Variants in TNNI3K observed in about 807,000 individuals in gnomAD.
The protein encoded by TNNI3K is TNNI3 interacting kinase, also known as serine/threonine-protein kinase TNNI3K.
In TNNI3K, 140 loss-of-function variants were observed where a neutral mutation model predicts 114.5. That is an observed-to-expected ratio of 1.22 (90% CI 1.07 to 1.41). The LOEUF (loss-of-function observed/expected upper bound fraction) is 1.41. Ranked by LOEUF, TNNI3K falls within the 40% of genes most tolerant of loss-of-function variation. The pLI is 0.00. For missense variants in TNNI3K, 1,125 were observed against 1,007.6 expected (o/e 1.12, Z -1.58); for synonymous variants, 347 against 347.5 (o/e 1.00, Z 0.02).
chr1:74,522,486 G>A (rs952998077), intron 23 of TNNI3K, among the ~76,000 whole-genome samples: 25 of 152,072 alleles, frequency 1.6e-4, no homozygotes, highest in African/African-American at 5.3e-4. Context: ...CTTGTAGTAC[G>A]AGTTGCATGA....
chr1:74,439,392 C>T lies in TNNI3K; in HGVS notation c.1879-98C>T, dbSNP rs1470901563. 5.9e-6 allele frequency: 9 copies of T among 1,514,702 alleles called. No individual in the cohort carries two copies. In the Admixed American group the frequency reaches 1.1e-4, roughly 18 times the overall value. The allele number at this position is 1,514,702 out of a possible 1,614,324, so 93.8% of individuals were successfully genotyped here. A position where few individuals can be genotyped will look rare whatever the true frequency, so the allele number is the denominator to read the frequency against. On this transcript the variant is annotated intron_variant, in intron 19 of 24. Transcript: ENST00000326637. ...TTATATTTATGCCTTTTGAGAGCATCGGGAGAACACAGTAAATTCTCACTA... is the reference window on the plus strand; with the variant it reads ...TTATATTTATGCCTTTTGAGAGCATTGGGAGAACACAGTAAATTCTCACTA...
At chr1:74,283,603 A>T (rs921009325) in intron 5 of TNNI3K, among the ~76,000 whole-genome samples, 1 of 152,178 alleles carries the variant, frequency 6.6e-6, no homozygotes, top group Non-Finnish European at 1.5e-5. Context: ...CTGGAAAATG[A>T]TGGAAGAAAC....
intron 4 of TNNI3K, among the ~76,000 whole-genome samples, chr1:74,262,175 CA>C (rs1219832660): frequency 2.6e-5 from 4 of 151,958 alleles, no homozygotes; most frequent in African/African-American, 9.7e-5. Flanking sequence ...CGATTTAGAC[CA>C]AGGTTCAACA....
intron 23 of TNNI3K, among the ~76,000 whole-genome samples, chr1:74,522,884 C>A (rs553952512): frequency 1.3e-5 from 2 of 152,144 alleles, no homozygotes; most frequent in Non-Finnish European, 2.9e-5. Flanking sequence ...TCCAGCACTG[C>A]GTGATCCAAA....
intron 17 of TNNI3K, among the ~76,000 whole-genome samples, chr1:74,407,604 C>T (rs1664678996): frequency 6.6e-6 from 1 of 152,120 alleles, no homozygotes; most frequent in African/African-American, 2.4e-5. Context: ...ATTTACACTT[C>T]TTCTCCATTT....
intron 21 of TNNI3K, among the ~76,000 whole-genome samples, chr1:74,465,444 T>C (rs113625694): frequency 0.014 from 2,094 of 152,316 alleles, 40 homozygotes; most frequent in African/African-American, 0.048. Flanking sequence ...GCAACACTGC[T>C]GGCCCGCCCG....
intron 20 of TNNI3K, among the ~76,000 whole-genome samples, chr1:74,454,022 A>G (rs1428848987): frequency 1.3e-5 from 2 of 152,142 alleles, no homozygotes; most frequent in Non-Finnish European, 2.9e-5. Context: ...GACCTTGTGC[A>G]ATTTATTTAA....
At chr1:74,483,475 G>C (rs1426737322) in intron 21 of TNNI3K, 1 of 587,462 alleles carries the variant, frequency 1.7e-6, no homozygotes, top group Non-Finnish European at 3.1e-6. Flanking sequence ...AATTTCTACT[G>C]TTCAATGAGC....
rs965574702 is a variant in TNNI3K, at chr1:74,250,777, A to T, written c.333+8A>T. 1.3e-6 allele frequency: 2 copies of T among 1,598,902 alleles called. No individual in the cohort carries two copies. Among genetic ancestry groups the T allele is most frequent in the Admixed American group, 3.5e-5 (2 of 57,276 alleles). On this transcript the variant is annotated splice_region_variant and intron_variant, in intron 4 of 24. Transcript: ENST00000326637. ...CATTTAGCAGTTTACAAGGTAGGACACTTTAATTCCCATAAACACTGCATT... is the reference window on the plus strand; with the variant it reads ...CATTTAGCAGTTTACAAGGTAGGACTCTTTAATTCCCATAAACACTGCATT...
At chr1:74,262,751 A>T (rs1655754793) in intron 4 of TNNI3K, among the ~76,000 whole-genome samples, 1 of 152,092 alleles carries the variant, frequency 6.6e-6, no homozygotes, top group Non-Finnish European at 1.5e-5. Context: ...CTCTTTCTAA[A>T]TGAACACATT....
rs148012641 is a variant in TNNI3K at position 74,319,944 on chromosome 1, G to A, written c.445-11506G>A. 3.1e-3 allele frequency among the ~76,000 whole-genome samples: 466 copies of A among 152,326 alleles called. 2 individuals are homozygous for A. The highest frequency in any genetic ancestry group is 4.1e-3 in the Admixed American group (62 of 15,292). On this transcript the variant is annotated intron_variant, in intron 5 of 24. Transcript: ENST00000326637. ...ATAGCATAGCAGTTTAGTCATATGA[G>A]CTCTGGAGCAAGCCTGCATAGTGTG... is the stretch of plus-strand genomic sequence containing the variant.
intron 17 of TNNI3K, 41 bp from the exon 18 acceptor site, chr1:74,436,039 G>C (rs1324659609): frequency 8.2e-6 from 13 of 1,580,218 alleles, no homozygotes; most frequent in Non-Finnish European, 1.0e-5. Flanking sequence ...ACATAGCAAA[G>C]CTTACTCAAT....
intron 23 of TNNI3K, among the ~76,000 whole-genome samples, chr1:74,518,757 T>A (rs114661453): frequency 1.7e-4 from 26 of 152,226 alleles, no homozygotes; most frequent in African/African-American, 6.3e-4. Context: ...TTTCCATAAG[T>A]AAAGGGTGTG....
intron 4 of TNNI3K, among the ~76,000 whole-genome samples, chr1:74,262,645 A>C (rs1356718837): frequency 6.6e-6 from 1 of 152,118 alleles, no homozygotes; most frequent in Admixed American, 6.6e-5. Flanking sequence ...TTTTCACTTA[A>C]GAAACTAGAG....
At chr1:74,537,260 G>C (rs941261005) in intron 23 of TNNI3K, among the ~76,000 whole-genome samples, 9 of 152,176 alleles carry the variant, frequency 5.9e-5, no homozygotes, top group Non-Finnish European at 1.2e-4. Context: ...AAAGGAGATA[G>C]AGTTCTAAAG....
intron 17 of TNNI3K, among the ~76,000 whole-genome samples, chr1:74,425,222 A>G (rs1665579902): frequency 6.6e-6 from 1 of 152,136 alleles, no homozygotes; most frequent in South Asian, 2.1e-4. Context: ...TCATTTCCTC[A>G]TCTTTACTGG....
chr1:74,297,293 G>A (rs1658046447), intron 5 of TNNI3K, among the ~76,000 whole-genome samples: 1 of 152,050 alleles, frequency 6.6e-6, no homozygotes, highest in South Asian at 2.1e-4. Flanking sequence ...GCTGAACACT[G>A]GTATTCCCCC....
Position 74,369,473 on chromosome 1 carries a change from C to G in TNNI3K, c.1555C>G (p.Pro519Ala). Residue 519 changes from proline to alanine, a missense_variant, in exon 16 of 25, where the codon CCC becomes GCC. Coordinates refer to ENST00000326637, the MANE Select transcript of TNNI3K (RefSeq NM_015978.3). Reference protein sequence around the residue: ...EVSILCQLNHPCVIQFVGACL... With the variant: ...EVSILCQLNHACVIQFVGACL... ...GTCCATTCTCTGCCAGCTCAATCAT[C>G]CCTGCGTAATTCAGTTTGTGGGTGC... 6.2e-7 allele frequency: 1 copy of G among 1,612,822 alleles called. No homozygotes were observed. The highest frequency in any genetic ancestry group is 8.5e-7 in the Non-Finnish European group (1 of 1,179,232).
chr1:74,402,860 AT>A (rs1200908516), intron 17 of TNNI3K, among the ~76,000 whole-genome samples: 8 of 152,128 alleles, frequency 5.3e-5, no homozygotes, highest in African/African-American at 1.9e-4. Context: ...TTCTTAAAAC[AT>A]TATGAGTTTT....
Sources: allele counts gnomAD v4.1 joint callset (sites outside exome capture counted in the v4.1 genomes callset), GRCh38; gene constraint gnomAD v4.1.1; transcripts MANE v1.5; gene names NCBI Gene and HGNC (gene_info 2026-07-23, HGNC 2026-07-21).